Variants in MCTP1 observed in about 807,000 individuals in gnomAD.
MCTP1 encodes the protein multiple C2 and transmembrane domain containing 1.
A neutral mutation model predicts 120.6 loss-of-function variants in MCTP1; 69 were observed. The observed-to-expected ratio is 0.57, with a 90% CI of 0.47 to 0.70. The LOEUF (loss-of-function observed/expected upper bound fraction) is 0.70, where lower values mean the gene tolerates loss of function less well. Among genes scored for constraint, MCTP1 ranks in the 30% least tolerant of loss-of-function variants. MCTP1 has a pLI of 0.00. For synonymous variants in MCTP1, 529 were observed against 493.1 expected, an observed-to-expected ratio of 1.07 and a Z score of -0.96; for missense variants, 1,203 against 1,248.8, an observed-to-expected ratio of 0.96 and a Z score of 0.55.
rs199763347 is a variant in MCTP1, at chr5:95,284,222, C to T, written c.354G>A (p.Gly118=). 950 of 1,581,438 alleles carry T rather than the reference C, an allele frequency of 6.0e-4. 3 individuals carry two copies. Among genetic ancestry groups the T allele is most frequent in the South Asian group, 2.7e-3 (238 of 87,584 alleles). ...EPGGAGRAEQ[G]STLRRRIREH... ...CGCGGATCCGGCGGCGTAGCGTGGA[C>T]CCCTGCTCGGCTCTGCCGGCGCCGC... Residue 118 remains glycine (G), a synonymous_variant, in exon 1 of 23, where the codon GGG becomes GGA. Transcript: ENST00000515393. The surrounding 1 kb of genome is among the most constrained non-coding windows in gnomAD (Gnocchi z 5.2).
intron 19 of MCTP1, among the ~76,000 whole-genome samples, chr5:94,731,889 A>G (rs1359073077): frequency 6.6e-6 from 1 of 152,192 alleles, no homozygotes; most frequent in Admixed American, 6.5e-5. Flanking sequence ...TCTATTTCTG[A>G]GAATAATTTA....
intron 1 of MCTP1, among the ~76,000 whole-genome samples, chr5:95,080,000 C>A (rs755815958): frequency 1.9e-4 from 29 of 152,052 alleles, no homozygotes; most frequent in Admixed American, 1.3e-4. Flanking sequence ...TATAAAATAG[C>A]AGATCAATTC....
chr5:95,259,302 A>T (rs1262803375), intron 1 of MCTP1, among the ~76,000 whole-genome samples: 1 of 152,150 alleles, frequency 6.6e-6, no homozygotes, highest in Non-Finnish European at 1.5e-5. Context: ...GAAGAAATCT[A>T]TCTTTGCCCA....
chr5:94,806,590 A>G (rs1439016063), intron 17 of MCTP1, among the ~76,000 whole-genome samples: 3 of 152,220 alleles, frequency 2.0e-5, no homozygotes, highest in African/African-American at 7.2e-5. Flanking sequence ...CCTGCATTCA[A>G]TGATCATTCA....
intron 1 of MCTP1, among the ~76,000 whole-genome samples, chr5:95,221,925 G>A (rs544767882): frequency 4.6e-5 from 7 of 152,154 alleles, no homozygotes; most frequent in African/African-American, 1.7e-4. Flanking sequence ...ATTATCCTGA[G>A]GAATTTATTT....
chr5:94,955,059 G>T (rs1822202412), intron 2 of MCTP1, among the ~76,000 whole-genome samples: 1 of 152,200 alleles, frequency 6.6e-6, no homozygotes, highest in East Asian at 1.9e-4. Context: ...TCCAACTGAG[G>T]TACCTGGTAC....
chr5:95,177,473 G>C (rs1423954677), intron 1 of MCTP1, among the ~76,000 whole-genome samples: 1 of 152,100 alleles, frequency 6.6e-6, no homozygotes, highest in Non-Finnish European at 1.5e-5. Context: ...TTTCATTTAA[G>C]TCCCCAAGAG....
chr5:94,995,243 G>T (rs906670267), intron 2 of MCTP1, among the ~76,000 whole-genome samples: 1 of 152,256 alleles, frequency 6.6e-6, no homozygotes, highest in East Asian at 1.9e-4. Flanking sequence ...GAATCACATA[G>T]AAGGTTTCTT....
At chr5:94,814,169 TA>T (rs1300329154) in intron 17 of MCTP1, among the ~76,000 whole-genome samples, 5 of 152,150 alleles carry the variant, frequency 3.3e-5, no homozygotes, top group African/African-American at 1.2e-4. Context: ...TATATTTCAG[TA>T]AAACAAAATT....
intron 1 of MCTP1, among the ~76,000 whole-genome samples, chr5:95,209,593 C>T (rs1752082704): frequency 6.6e-6 from 1 of 152,124 alleles, no homozygotes; most frequent in African/African-American, 2.4e-5. Flanking sequence ...GTAATTTCCC[C>T]TAAAAGTCTA....
At chr5:94,888,724 T>A in intron 12 of MCTP1, 155 bp downstream of exon 12, 1 of 509,426 alleles carries the variant, frequency 2.0e-6, no homozygotes, top group Non-Finnish European at 3.5e-6. Context: ...ACTATAAAAA[T>A]CAGGGGGTTG....
At chr5:94,787,889 A>G (rs1197043635) in intron 18 of MCTP1, among the ~76,000 whole-genome samples, 1 of 152,186 alleles carries the variant, frequency 6.6e-6, no homozygotes, top group Non-Finnish European at 1.5e-5. Flanking sequence ...GAAGACTCCA[A>G]CAAGGTACCT....
chr5:94,937,423 T>A (rs1006882407), intron 5 of MCTP1, among the ~76,000 whole-genome samples: 31 of 151,954 alleles, frequency 2.0e-4, no homozygotes, highest in Non-Finnish European at 4.0e-4. Context: ...AGAGATACGA[T>A]GAAGAGAAAG....
intron 2 of MCTP1, among the ~76,000 whole-genome samples, chr5:94,964,364 C>T (rs1455002060): frequency 6.6e-6 from 1 of 152,096 alleles, no homozygotes. Context: ...CTCTTAGGTC[C>T]ACTGGGTCTA....
intron 18 of MCTP1, among the ~76,000 whole-genome samples, chr5:94,783,094 G>A (rs906219914): frequency 6.6e-6 from 1 of 152,010 alleles, no homozygotes; most frequent in African/African-American, 2.4e-5. Context: ...GTGCCACACA[G>A]TCGAGGAAGG....
intron 19 of MCTP1, among the ~76,000 whole-genome samples, chr5:94,761,977 C>T (rs918702911): frequency 8.5e-5 from 13 of 152,316 alleles, no homozygotes; most frequent in East Asian, 5.8e-4. Flanking sequence ...GACCAAGCCA[C>T]CTTGAATGTG....
intron 1 of MCTP1, among the ~76,000 whole-genome samples, chr5:95,267,326 T>C (rs1364277263): frequency 1.3e-5 from 2 of 152,196 alleles, no homozygotes; most frequent in Non-Finnish European, 1.5e-5. Context: ...TAATTTACAG[T>C]TGTAACATCT....
At chr5:94,914,338 T>C (rs751191731) in intron 8 of MCTP1, among the ~76,000 whole-genome samples, 1 of 152,230 alleles carries the variant, frequency 6.6e-6, no homozygotes, top group African/African-American at 2.4e-5. Flanking sequence ...AAAGTTACAG[T>C]CTATTTTACG....
intron 1 of MCTP1, among the ~76,000 whole-genome samples, chr5:95,032,345 C>T (rs1840460604): frequency 6.6e-6 from 1 of 152,064 alleles, no homozygotes; most frequent in African/African-American, 2.4e-5. Flanking sequence ...CGTCATAAAG[C>T]AAGTCCCAAT....
Sources: allele counts gnomAD v4.1 joint callset (sites outside exome capture counted in the v4.1 genomes callset), GRCh38; gene constraint gnomAD v4.1.1; non-coding constraint Gnocchi (gnomAD v3.1); transcripts MANE v1.5; gene names NCBI Gene and HGNC (gene_info 2026-07-23, HGNC 2026-07-21).